ASXL3: variants seen among roughly 807,000 people sequenced by gnomAD.
ASXL3 encodes putative Polycomb group protein ASXL3.
In ASXL3, 34 loss-of-function variants were observed where a neutral mutation model predicts 170.6. The ratio of observed to expected loss-of-function variants is 0.20; its 90% CI spans 0.15 to 0.27. ASXL3 has a LOEUF of 0.27. Among genes scored for constraint, ASXL3 ranks in the 10% least tolerant of loss-of-function variants. ASXL3 has a pLI of 1.00. For missense variants in ASXL3, 2,592 were observed against 2,695.3 expected (o/e 0.96, Z 0.85); for synonymous variants, 1,002 against 989.1 (o/e 1.01, Z -0.24).
intron 7 of ASXL3, among the ~76,000 whole-genome samples, chr18:33,680,323 A>C (rs1233432620): frequency 1.3e-5 from 2 of 152,070 alleles, no homozygotes; most frequent in East Asian, 3.9e-4. Context: ...GGACAGAAAG[A>C]TGAGGCTGTA....
intron 2 of ASXL3, among the ~76,000 whole-genome samples, chr18:33,635,167 C>G (rs2065745817): frequency 6.6e-6 from 1 of 152,144 alleles, no homozygotes; most frequent in Non-Finnish European, 1.5e-5. Context: ...AAAACCTTAA[C>G]CAGAAATGGA....
chr18:33,607,481 A>G, intron 1 of ASXL3, 113 bp from the exon 2 acceptor site: 1 of 848,476 alleles, frequency 1.2e-6, no homozygotes, highest in Non-Finnish European at 1.9e-6. Context: ...ACTGCTTTTG[A>G]TGTAAAAGCC....
At chr18:33,679,207 C>CTA (rs1271742106) in intron 7 of ASXL3, among the ~76,000 whole-genome samples, 10 of 151,888 alleles carry the variant, frequency 6.6e-5, no homozygotes, top group Non-Finnish European at 1.0e-4. Flanking sequence ...ATTTTTTTCT[C>CTA]TCTATATATA....
intron 4 of ASXL3, among the ~76,000 whole-genome samples, chr18:33,648,112 G>T (rs1335174171): frequency 6.6e-6 from 1 of 152,094 alleles, no homozygotes; most frequent in Non-Finnish European, 1.5e-5. Context: ...CCTTGATGCT[G>T]GCTTCTGTTT....
rs16964878 is a variant in ASXL3 at position 33,713,012 on chromosome 18, A to G, written c.880-18956A>G. ...CCACGTTCTAGCTAAATGACTGGCT[A>G]TACACTAGGAGTGCACAAGTTACAT... On this transcript the variant is annotated intron_variant, in intron 8 of 11. Coordinates refer to ENST00000269197, the MANE Select transcript of ASXL3 (RefSeq NM_030632.3). 4.6e-3 allele frequency among the ~76,000 whole-genome samples: 705 copies of G among 152,114 alleles called. 8 individuals carry two copies. The highest frequency in any genetic ancestry group is 0.016 in the African/African-American group (667 of 41,506).
intron 2 of ASXL3, among the ~76,000 whole-genome samples, chr18:33,642,133 A>G (rs985322365): frequency 2.6e-5 from 4 of 151,914 alleles, no homozygotes; most frequent in African/African-American, 7.2e-5. Flanking sequence ...ATACATGCCA[A>G]TTCTATTTTT....
intron 5 of ASXL3, among the ~76,000 whole-genome samples, chr18:33,667,185 T>C (rs998380672): frequency 7.2e-5 from 11 of 152,200 alleles, no homozygotes; most frequent in African/African-American, 2.7e-4. Context: ...CAGAAGGTTA[T>C]GATGTCATGG....
intron 3 of ASXL3, 99 bp downstream of exon 3, chr18:33,645,101 C>G: frequency 9.6e-6 from 6 of 625,116 alleles, no homozygotes; most frequent in Non-Finnish European, 1.6e-5. Flanking sequence ...AGAAGAATGA[C>G]TCCTATGCCT....
At position 33,750,339 on chromosome 18, in the gene ASXL3, G is replaced by C. The variant is rs2067864783; in HGVS notation, c.*3744G>C. On this transcript the variant is annotated 3_prime_UTR_variant, in exon 12 of 12. Coordinates refer to ENST00000269197, the MANE Select transcript of ASXL3 (RefSeq NM_030632.3). ...AATTTAAAGGAGCTGCTTTTTTATA[G>C]CACATACTATTTCGCTTTGTACTAT... is the stretch of plus-strand genomic sequence containing the variant. 2 of 152,128 alleles carry C rather than the reference G, an allele frequency of 1.3e-5. No individual in the cohort carries two copies. Among genetic ancestry groups the C allele is most frequent in the Admixed American group, 1.3e-4 (2 of 15,276 alleles). 9.4% of individuals were successfully genotyped at this position (152,128 alleles called of 1,614,324 possible).
chr18:33,671,770 GCAGA>G lies in ASXL3; in HGVS notation c.623_626del (p.Asp208ValfsTer6). On this transcript the variant is annotated frameshift_variant, in exon 7 of 12. Coordinates refer to ENST00000269197, the MANE Select transcript of ASXL3 (RefSeq NM_030632.3). LOFTEE classifies it high-confidence loss of function. ...AGGATCTGAATCTAAAAATGGTGAAGCAGACAGTTCAGATAAAGAAATGAAACAT... is the reference window on the plus strand; with the variant it reads ...AGGATCTGAATCTAAAAATGGTGAAGCAGTTCAGATAAAGAAATGAAACAT... 1 of 1,608,640 alleles carries G rather than the reference GCAGA, an allele frequency of 6.2e-7. No individual in the cohort carries two copies. Among genetic ancestry groups the G allele is most frequent in the Non-Finnish European group, 8.5e-7 (1 of 1,176,746 alleles).
At chr18:33,731,884 CA>C in intron 8 of ASXL3, 83 bp from the exon 9 acceptor site, 1 of 1,002,830 alleles carries the variant, frequency 1.0e-6, no homozygotes, top group South Asian at 1.5e-5. Flanking sequence ...TGCCCAACAC[CA>C]CTCAATTTTT....
chr18:33,616,228 A>G (rs972802386), intron 2 of ASXL3, among the ~76,000 whole-genome samples: 16 of 152,112 alleles, frequency 1.1e-4, no homozygotes. Context: ...TTTCAGCACA[A>G]TCCTAATCGA....
Position 33,746,283 on chromosome 18 carries a change from GCAA to G in ASXL3, c.6441_6443del (p.Gln2149del), listed in dbSNP as rs2067791715. The G allele has an allele frequency of 6.2e-7, 1 of 1,613,992 alleles. No individual in the cohort carries two copies. Among genetic ancestry groups the G allele is most frequent in the Non-Finnish European group, 8.5e-7 (1 of 1,179,888 alleles). On this transcript the variant is annotated inframe_deletion, in exon 12 of 12. Coordinates refer to ENST00000269197, the MANE Select transcript of ASXL3 (RefSeq NM_030632.3). ...TAGCTGCTCAGAAAATGCAGGTGCA[GCAA>G]CAACAGCAGCTCTGTGGAAATTATC... is the stretch of plus-strand genomic sequence containing the variant.
At chr18:33,600,965 A>G (rs887261522) in intron 1 of ASXL3, among the ~76,000 whole-genome samples, 3 of 152,178 alleles carry the variant, frequency 2.0e-5, no homozygotes, top group African/African-American at 7.2e-5. Context: ...ATTTGTAACA[A>G]GCAAAACAAG....
In ASXL3 at chr18:33,749,027, G is replaced by GAA. The variant is rs2067842756; in HGVS notation, c.*2432_*2433insAA. 6.7e-6 allele frequency: 1 copy of GAA among 149,662 alleles called. No individual in the cohort carries two copies. Among genetic ancestry groups the GAA allele is most frequent in the Admixed American group, 6.6e-5 (1 of 15,076 alleles). The allele number at this position is 149,662 out of a possible 1,614,324, so 9.3% of individuals were successfully genotyped here. On this transcript the variant is annotated 3_prime_UTR_variant, in exon 12 of 12. Coordinates refer to ENST00000269197, the MANE Select transcript of ASXL3 (RefSeq NM_030632.3). ...AGGCTTGGAGAATCAGTTGTTGATAGTGCATGGATTCTATCATCCAGGTCC... is the reference window on the plus strand; with the variant it reads ...AGGCTTGGAGAATCAGTTGTTGATAGAATGCATGGATTCTATCATCCAGGTCC...
intron 8 of ASXL3, among the ~76,000 whole-genome samples, chr18:33,694,223 C>T (rs967772555): frequency 6.6e-6 from 1 of 152,188 alleles, no homozygotes; most frequent in Non-Finnish European, 1.5e-5. Flanking sequence ...TGTAGCCAGA[C>T]ATGCCTTTGT....
intron 2 of ASXL3, among the ~76,000 whole-genome samples, chr18:33,640,793 A>T (rs1400168100): frequency 6.6e-6 from 1 of 151,974 alleles, no homozygotes; most frequent in Admixed American, 6.6e-5. Context: ...ATATTAATTT[A>T]TATTAATAGC....
At chr18:33,737,367 T>C (rs544002376) in intron 10 of ASXL3, among the ~76,000 whole-genome samples, 1 of 152,274 alleles carries the variant, frequency 6.6e-6, no homozygotes, top group African/African-American at 2.4e-5. Context: ...ACTTAAATGT[T>C]CTTTTTCCTC....
intron 8 of ASXL3, among the ~76,000 whole-genome samples, chr18:33,701,651 G>C (rs1326711081): frequency 1.3e-5 from 2 of 151,754 alleles, no homozygotes; most frequent in Non-Finnish European, 2.9e-5. Flanking sequence ...TTCTCTTGCT[G>C]TTTTCAGAAT....
Sources: gnomAD v4.1 joint callset for allele counts (sites outside exome capture counted in the v4.1 genomes callset) on GRCh38, gnomAD v4.1.1 for gene constraint, MANE v1.5 for transcripts, NCBI Gene and HGNC (gene_info 2026-07-23, HGNC 2026-07-21) for gene names.